DOCK2: variants seen among roughly 807,000 people sequenced by gnomAD.
DOCK2 encodes the protein dedicator of cytokinesis 2.
A neutral mutation model predicts 248.9 loss-of-function variants in DOCK2; 87 were observed. The ratio of observed to expected loss-of-function variants is 0.35; its 90% confidence interval spans 0.29 to 0.42. The LOEUF (loss-of-function observed/expected upper bound fraction) is 0.42. Ranked by LOEUF, DOCK2 falls within the 10% of genes least tolerant of loss-of-function variation. DOCK2 has a pLI of 1.00. For missense variants in DOCK2, 1,747 were observed against 2,300.2 expected, an observed-to-expected ratio of 0.76 and a Z score of 4.92; for synonymous variants, 805 against 821.6, an observed-to-expected ratio of 0.98 and a Z score of 0.35.
chr5:169,745,079 A>G (rs1319816165), intron 22 of DOCK2, among the ~76,000 whole-genome samples: 1 of 152,230 alleles, frequency 6.6e-6, no homozygotes, highest in African/African-American at 2.4e-5. Flanking sequence ...GCTGTGCCTC[A>G]TGGAAGAGTA....
intron 30 of DOCK2, among the ~76,000 whole-genome samples, chr5:169,997,485 A>G (rs1184014406): frequency 7.3e-6 from 1 of 137,304 alleles, no homozygotes; most frequent in African/African-American, 2.9e-5. Flanking sequence ...ATTTCAGACT[A>G]TCACATGGGG....
At chr5:169,811,908 T>A (rs1379122333) in intron 26 of DOCK2, among the ~76,000 whole-genome samples, 3 of 152,198 alleles carry the variant, frequency 2.0e-5, no homozygotes, top group African/African-American at 7.2e-5. Context: ...AGGCTTTAAG[T>A]CAGACTGCAT....
chr5:169,794,063 A>G (rs757205881), intron 25 of DOCK2, among the ~76,000 whole-genome samples: 1 of 151,872 alleles, frequency 6.6e-6, no homozygotes, highest in Non-Finnish European at 1.5e-5. Context: ...ATCAGCTCTC[A>G]TGGCCCCCAA....
At chr5:169,656,603 G>A (rs754766926) in intron 2 of DOCK2, among the ~76,000 whole-genome samples, 7 of 151,636 alleles carry the variant, frequency 4.6e-5, no homozygotes, top group Non-Finnish European at 7.4e-5. Context: ...GTGAGCCACC[G>A]CACCTGGCCC....
At chr5:169,751,817 A>G (rs1374882324) in intron 23 of DOCK2, among the ~76,000 whole-genome samples, 3 of 152,236 alleles carry the variant, frequency 2.0e-5, no homozygotes, top group Non-Finnish European at 4.4e-5. Context: ...TGTTCCAGAC[A>G]TGGAACTGGG....
chr5:169,888,090 C>T (rs2113527853), intron 27 of DOCK2, among the ~76,000 whole-genome samples: 1 of 152,286 alleles, frequency 6.6e-6, no homozygotes, highest in East Asian at 1.9e-4. Flanking sequence ...TGTGGAAACT[C>T]TCGTATTTTT....
intron 46 of DOCK2, 181 bp from the exon 47 acceptor site, chr5:170,075,766 C>T (rs1481483287): frequency 7.7e-6 from 6 of 781,340 alleles, no homozygotes; most frequent in Admixed American, 2.4e-5. Context: ...GAGCAAACCT[C>T]ATGTTTGCAA....
At chr5:169,637,754 T>C (rs1028797698) in intron 1 of DOCK2, among the ~76,000 whole-genome samples, 4 of 152,186 alleles carry the variant, frequency 2.6e-5, no homozygotes, top group African/African-American at 9.7e-5. Flanking sequence ...AGCCTTGGCC[T>C]GCCCACCATG....
At position 169,714,182 on chromosome 5, in the gene DOCK2, T is replaced by C; in HGVS notation, c.1814T>C (p.Leu605Pro). ...SSRDVFSISTLVCSTKLTQNV... is the reference protein window; with the variant it reads ...SSRDVFSISTPVCSTKLTQNV... ...CGGGATGTGTTCTCCATTTCCACCC[T>C]GGTGTGCTCCACAAAGCTCACTCAG... The change falls in exon 18 of 52, where the codon CTG (leucine) becomes CCG (proline). Residue 605 changes from leucine to proline, a missense_variant. Physicochemically the swap from Leu to Pro is moderately conservative, Grantham distance 98 (BLOSUM62 -3). Transcript: ENST00000520908. The C allele has an allele frequency of 6.2e-7, 1 of 1,612,104 alleles. No homozygotes were observed. Among genetic ancestry groups the C allele is most frequent in the Non-Finnish European group, 8.5e-7 (1 of 1,178,778 alleles).
Position 169,711,980 on chromosome 5 carries a change from A to C in DOCK2, c.1528A>C (p.Met510Leu), listed in dbSNP as rs781388585. ...EDMQRIHLRFMFRHRSSLESK... is the reference protein window; with the variant it reads ...EDMQRIHLRFLFRHRSSLESK... ...CATGCAGAGGATCCATCTGCGATTC[A>C]TGTTTCGACATCGGTCATCTCTGGA... The change falls in exon 16 of 52, where the codon ATG becomes CTG. Residue 510 changes from methionine (M) to leucine (L), a missense_variant. Met to Leu is a conservative substitution (Grantham distance 15). This residue lies in a region of DOCK2 where 858 missense variants were observed against 1,183.5 expected (regional missense o/e 0.72). Transcript: ENST00000520908. The C allele has an allele frequency of 3.7e-6, 6 of 1,613,988 alleles. No homozygotes were observed. The highest frequency in any genetic ancestry group is 2.2e-5 in the South Asian group (2 of 91,088).
intron 27 of DOCK2, among the ~76,000 whole-genome samples, chr5:169,973,676 A>G (rs1196840155): frequency 6.6e-6 from 1 of 152,194 alleles, no homozygotes; most frequent in Non-Finnish European, 1.5e-5. Flanking sequence ...AGTATGCGGT[A>G]TTGGTACCTC....
Position 170,074,986 on chromosome 5 carries a change from C to T in DOCK2, c.4729-961C>T, listed in dbSNP as rs188791683. Among the ~76,000 whole-genome samples the T allele has an allele frequency of 2.0e-3, 310 of 152,224 alleles. 1 individual carries two copies. The highest frequency in any genetic ancestry group is 3.2e-3 in the Admixed American group (49 of 15,300). On this transcript the variant is annotated intron_variant, in intron 46 of 51. Transcript: ENST00000520908. ...GGAAGCTCTGGAAGGTCAGTTATGT[C>T]CTCCCACCTCCTGGCACACATATTG...
At chr5:169,790,300 G>A (rs985292268) in intron 25 of DOCK2, among the ~76,000 whole-genome samples, 6 of 152,176 alleles carry the variant, frequency 3.9e-5, no homozygotes, top group Admixed American at 1.3e-4. Flanking sequence ...TGTAAGTTTT[G>A]TGATGGGGGC....
intron 26 of DOCK2, among the ~76,000 whole-genome samples, chr5:169,816,645 C>T (rs144211825): frequency 9.9e-4 from 151 of 152,248 alleles, no homozygotes; most frequent in African/African-American, 3.3e-3. Context: ...TACCCTATTC[C>T]TTCACTCTGG....
At chr5:169,901,795 T>G (rs1773940153) in intron 27 of DOCK2, among the ~76,000 whole-genome samples, 1 of 152,218 alleles carries the variant, frequency 6.6e-6, no homozygotes. Context: ...CAGAGCCAAA[T>G]GGAGGGGTTT....
chr5:169,876,516 A>G (rs1393818863), intron 27 of DOCK2, among the ~76,000 whole-genome samples: 1 of 152,206 alleles, frequency 6.6e-6, no homozygotes, highest in Non-Finnish European at 1.5e-5. Context: ...TACAGTCAGG[A>G]CAGAAGTCCT....
chr5:169,877,260 G>A (rs368361506), intron 27 of DOCK2, among the ~76,000 whole-genome samples: 5 of 152,338 alleles, frequency 3.3e-5, no homozygotes, highest in African/African-American at 7.2e-5. Context: ...ATTGTTTAGC[G>A]GGGGAGTGAC....
At chr5:169,730,025 C>T (rs1762686131) in intron 22 of DOCK2, among the ~76,000 whole-genome samples, 3 of 152,278 alleles carry the variant, frequency 2.0e-5, no homozygotes, top group East Asian at 1.9e-4. Context: ...GGCACAATCT[C>T]GACTCACTGC....
chr5:169,840,626 G>T, intron 26 of DOCK2, 131 bp from the exon 27 acceptor site: 1 of 611,834 alleles, frequency 1.6e-6, no homozygotes, highest in Non-Finnish European at 2.9e-6. Flanking sequence ...GATGATGATG[G>T]CAGTAGTGGT....
Sources: allele counts gnomAD v4.1 joint callset (sites outside exome capture counted in the v4.1 genomes callset), GRCh38; gene constraint gnomAD v4.1.1; regional missense constraint gnomAD v4.1.1; transcripts MANE v1.5; gene names NCBI Gene and HGNC (gene_info 2026-07-23, HGNC 2026-07-21).